Variants in DAP observed in about 807,000 individuals in gnomAD.
DAP encodes death associated protein.
A neutral mutation model predicts 13.8 loss-of-function variants in DAP; 8 were observed. That is an observed-to-expected ratio of 0.58 (90% confidence interval 0.34 to 1.05). DAP has a LOEUF of 1.05. DAP is among the 50% of genes least tolerant of loss of function. The pLI, the probability that DAP is intolerant of heterozygous loss-of-function variation, is 0.03. For missense variants in DAP, 106 were observed against 133.2 expected (o/e 0.80, Z 1.01); for synonymous variants, 47 against 47.5 (o/e 0.99, Z 0.04).
At chr5:10,735,714 G>A (rs1468824336) in intron 2 of DAP, among the ~76,000 whole-genome samples, 1 of 151,696 alleles carries the variant, frequency 6.6e-6, no homozygotes, top group African/African-American at 2.4e-5. Context: ...TGCTCAGCCT[G>A]AGCAACAGTA....
At chr5:10,710,536 C>T (rs1245879221) in intron 2 of DAP, among the ~76,000 whole-genome samples, 2 of 152,176 alleles carry the variant, frequency 1.3e-5, no homozygotes, top group Non-Finnish European at 2.9e-5. Flanking sequence ...GTCAGGAGGC[C>T]TCTGGCATCG....
rs762473552 is a variant in DAP at position 10,683,559 on chromosome 5, G to A, written c.165C>T (p.Pro55=). Reference sequence around the variant, plus strand: ...CGATGACCCCAGAGATGAACACAGTGGGTTTAGGTGGACTGGAAAAAAAGA... The same window carrying A: ...CGATGACCCCAGAGATGAACACAGTAGGTTTAGGTGGACTGGAAAAAAAGA... ...QEWESPSPPK[P]TVFISGVIAR... is the part of the protein sequence containing the mutation. The change falls in exon 3 of 4, where the codon CCC becomes CCT. Residue 55 remains proline (P), a synonymous_variant. Coordinates refer to ENST00000230895, the MANE Select transcript of DAP (RefSeq NM_004394.3). 2 of 1,614,014 alleles carry A rather than the reference G, an allele frequency of 1.2e-6. No homozygotes were observed. The highest frequency in any genetic ancestry group is 1.7e-6 in the Non-Finnish European group (2 of 1,179,970).
rs1045423625 is a variant in DAP at position 10,683,746 on chromosome 5, T to G, written c.153-175A>C. On this transcript the variant is annotated intron_variant, in intron 2 of 3. Coordinates refer to ENST00000230895, the MANE Select transcript of DAP (RefSeq NM_004394.3). ...GATCACACTACGGGGCTCGGGAGCCTCCTTCTCCTGAGGCTAGTTCAGCCC... is the reference window on the plus strand; with the variant it reads ...GATCACACTACGGGGCTCGGGAGCCGCCTTCTCCTGAGGCTAGTTCAGCCC... Among the ~76,000 whole-genome samples, 7 of 152,168 alleles carry G rather than the reference T, an allele frequency of 4.6e-5. 1 individual carries two copies. Among genetic ancestry groups the G allele is most frequent in the Admixed American group, 2.6e-4 (4 of 15,280 alleles).
chr5:10,692,706 A>G (rs1738335435), intron 2 of DAP, among the ~76,000 whole-genome samples: 1 of 152,186 alleles, frequency 6.6e-6, no homozygotes. Context: ...GTACCTACTC[A>G]GTCCCCACAG....
chr5:10,683,733 G>C (rs1335711511), intron 2 of DAP, among the ~76,000 whole-genome samples, 162 bp from the exon 3 acceptor site: 1 of 152,196 alleles, frequency 6.6e-6, no homozygotes, highest in Non-Finnish European at 1.5e-5. Flanking sequence ...TCACACTACG[G>C]GGCTCGGGAG....
intron 2 of DAP, among the ~76,000 whole-genome samples, chr5:10,694,015 G>A (rs952699861): frequency 2.0e-5 from 3 of 152,130 alleles, no homozygotes; most frequent in Non-Finnish European, 4.4e-5. Flanking sequence ...ACCTTGCTTG[G>A]GGTCCTGGGG....
intron 2 of DAP, among the ~76,000 whole-genome samples, chr5:10,703,929 C>G (rs1421188393): frequency 6.6e-6 from 1 of 152,236 alleles, no homozygotes; most frequent in Non-Finnish European, 1.5e-5. Flanking sequence ...AAAAATACAG[C>G]AGCGGTGAAG....
intron 2 of DAP, among the ~76,000 whole-genome samples, chr5:10,735,816 G>C (rs1739595938): frequency 6.6e-6 from 1 of 152,206 alleles, no homozygotes; most frequent in Admixed American, 6.5e-5. Flanking sequence ...AATGCCAACA[G>C]AGCCAGGTAC....
intron 2 of DAP, among the ~76,000 whole-genome samples, chr5:10,684,501 C>T (rs974328122): frequency 1.3e-5 from 2 of 152,218 alleles, no homozygotes; most frequent in African/African-American, 4.8e-5. Flanking sequence ...CAAGCCCAAA[C>T]AGGCTCAAAT....
At chr5:10,693,856 A>AT (rs908982137) in intron 2 of DAP, among the ~76,000 whole-genome samples, 5 of 152,224 alleles carry the variant, frequency 3.3e-5, no homozygotes, top group East Asian at 1.9e-4. Flanking sequence ...TTGATAGTGG[A>AT]TTTTTTTTCC....
At chr5:10,750,035 A>G (rs1740007476) in intron 1 of DAP, among the ~76,000 whole-genome samples, 1 of 152,158 alleles carries the variant, frequency 6.6e-6, no homozygotes, top group African/African-American at 2.4e-5. Flanking sequence ...GGTGCTGGCT[A>G]GAAAGCAGGG....
At chr5:10,737,187 A>G (rs1293458828) in intron 2 of DAP, among the ~76,000 whole-genome samples, 2 of 152,150 alleles carry the variant, frequency 1.3e-5, no homozygotes, top group Non-Finnish European at 2.9e-5. Context: ...TCTACTAAAA[A>G]TACAATAATT....
intron 2 of DAP, among the ~76,000 whole-genome samples, chr5:10,727,240 G>GC (rs1238050959): frequency 6.6e-6 from 1 of 152,198 alleles, no homozygotes; most frequent in East Asian, 1.9e-4. Flanking sequence ...CACACAGCAG[G>GC]CAACAGTACC....
chr5:10,757,607 TATCTCAATGTTAAGATGACTGGTG>T (rs1284127048), intron 1 of DAP, among the ~76,000 whole-genome samples: 2 of 152,304 alleles, frequency 1.3e-5, no homozygotes, highest in African/African-American at 4.8e-5. Context: ...CTGTCCTCGG[TATCTCAATGTTAAGATGACTGGTG>T]ATTTCATGAG....
rs5745295 is a variant in DAP, at chr5:10,681,008, C to G, written c.*48G>C. ...CTGGTTCTCTCTGTCAGGGAAATAC[C>G]AAGTGCAGCAGAGCCGGGGCCATGG... On this transcript the variant is annotated 3_prime_UTR_variant, in exon 4 of 4. Coordinates refer to ENST00000230895, the MANE Select transcript of DAP (RefSeq NM_004394.3). 7.9e-4 allele frequency: 1,234 copies of G among 1,556,282 alleles called. 9 individuals carry two copies. The African/African-American group carries it at 0.012, about 15-fold the overall frequency.
Position 10,757,647 on chromosome 5 carries a change from C to T in DAP, c.55+3367G>A, listed in dbSNP as rs566732775. ...ATGACTGGTGATTTCATGAGTTAAA[C>T]GTGCCAAGCGCTTAGAAGTGTGTCA... On this transcript the variant is annotated intron_variant, in intron 1 of 3. Transcript: ENST00000230895. Among the ~76,000 whole-genome samples, 303 of 152,268 alleles carry T rather than the reference C, an allele frequency of 2.0e-3. 4 individuals carry two copies. Among genetic ancestry groups the T allele is most frequent in the Admixed American group, 5.4e-3 (82 of 15,294 alleles).
chr5:10,712,616 G>C (rs1463322981), intron 2 of DAP, among the ~76,000 whole-genome samples: 1 of 152,144 alleles, frequency 6.6e-6, no homozygotes, highest in African/African-American at 2.4e-5. Flanking sequence ...GGCTGGATGG[G>C]GTGGGGGAGA....
intron 2 of DAP, among the ~76,000 whole-genome samples, chr5:10,737,580 A>G (rs1187078629): frequency 6.6e-6 from 1 of 152,244 alleles, no homozygotes; most frequent in Non-Finnish European, 1.5e-5. Flanking sequence ...TCAAACATGC[A>G]GATCATGGCT....
At chr5:10,711,127 G>T (rs1268969654) in intron 2 of DAP, among the ~76,000 whole-genome samples, 1 of 152,190 alleles carries the variant, frequency 6.6e-6, no homozygotes, top group Non-Finnish European at 1.5e-5. Flanking sequence ...TGGCCATGGG[G>T]TCCACACTCC....
Sources: gnomAD v4.1 joint callset for allele counts (sites outside exome capture counted in the v4.1 genomes callset) on GRCh38, gnomAD v4.1.1 for gene constraint, MANE v1.5 for transcripts, NCBI Gene and HGNC (gene_info 2026-07-23, HGNC 2026-07-21) for gene names.